Variants in CSMD1 observed in about 807,000 individuals in gnomAD.
CSMD1 encodes CUB and sushi domain-containing protein 1.
A neutral mutation model predicts 417.5 loss-of-function variants in CSMD1; 213 were observed. The ratio of observed to expected loss-of-function variants is 0.51; its 90% CI spans 0.46 to 0.57. The LOEUF is 0.57. Ranked by LOEUF, CSMD1 falls within the 20% of genes least tolerant of loss-of-function variation. The pLI, the probability that CSMD1 is intolerant of heterozygous loss-of-function variation, is 0.00. For missense variants in CSMD1, 6,923 were observed against 4,529.7 expected (o/e 1.53, Z -15.17); for synonymous variants, 2,862 against 1,736.8 (o/e 1.65, Z -16.11).
intron 2 of CSMD1, among the ~76,000 whole-genome samples, chr8:4,585,807 G>C (rs184633017): frequency 6.6e-6 from 1 of 152,088 alleles, no homozygotes; most frequent in African/African-American, 2.4e-5. Flanking sequence ...AATTAAATCT[G>C]AGTAAATACT....
At chr8:4,264,089 A>G (rs1463744800) in intron 3 of CSMD1, among the ~76,000 whole-genome samples, 1 of 152,210 alleles carries the variant, frequency 6.6e-6, no homozygotes, top group Non-Finnish European at 1.5e-5. Flanking sequence ...GGATGATAAC[A>G]TCAAACTATC....
At chr8:4,747,660 T>G (rs528554389) in intron 1 of CSMD1, among the ~76,000 whole-genome samples, 1 of 152,206 alleles carries the variant, frequency 6.6e-6, no homozygotes, top group African/African-American at 2.4e-5. Context: ...ACTCAGTTGT[T>G]GATTTTGCAT....
chr8:4,198,473 A>G (rs1799467269), intron 3 of CSMD1, among the ~76,000 whole-genome samples: 1 of 152,186 alleles, frequency 6.6e-6, no homozygotes, highest in Non-Finnish European at 1.5e-5. Flanking sequence ...GGGGGATGAG[A>G]AAGAAATCAC....
At position 4,797,464 on chromosome 8, in the gene CSMD1, T is replaced by C. The variant is rs1303522987; in HGVS notation, c.86-159906A>G. On this transcript the variant is annotated intron_variant, in intron 1 of 69. Transcript: ENST00000635120. ...AAGTACCAAATATAGGTCATGTTTT[T>C]ATTATGTTGGCGCAAAAGTCATTGT... Among the ~76,000 whole-genome samples, 6 of 152,180 alleles carry C rather than the reference T, an allele frequency of 3.9e-5. No individual in the cohort carries two copies. In the East Asian group the frequency reaches 9.7e-4, roughly 25 times the overall value.
At chr8:4,579,221 T>C (rs1031475559) in intron 2 of CSMD1, among the ~76,000 whole-genome samples, 1 of 151,688 alleles carries the variant, frequency 6.6e-6, no homozygotes, top group Non-Finnish European at 1.5e-5. Context: ...ATCAGGAAAA[T>C]AATCCTCATG....
chr8:3,020,172 G>A (rs1249332608), intron 51 of CSMD1, among the ~76,000 whole-genome samples: 1 of 152,190 alleles, frequency 6.6e-6, no homozygotes, highest in African/African-American at 2.4e-5. Flanking sequence ...GTTGATAATA[G>A]CTCCTACTGC....
At chr8:3,606,701 T>A (rs965909744) in intron 8 of CSMD1, among the ~76,000 whole-genome samples, 1 of 130,030 alleles carries the variant, frequency 7.7e-6, no homozygotes, top group Non-Finnish European at 1.7e-5. Flanking sequence ...GTAACAATTT[T>A]ACTTCGTTAC....
intron 50 of CSMD1, among the ~76,000 whole-genome samples, chr8:3,052,220 A>G (rs1811864810): frequency 6.6e-6 from 1 of 152,236 alleles, no homozygotes; most frequent in Non-Finnish European, 1.5e-5. Flanking sequence ...TGTGCAAATT[A>G]CATCGTGTCT....
At chr8:3,821,212 C>G (rs13255204) in intron 5 of CSMD1, among the ~76,000 whole-genome samples, 76,873 of 152,008 alleles carry the variant, frequency 0.51, 20,201 homozygotes, top group Middle Eastern at 0.68. Context: ...ACCACCGTAC[C>G]CAGCTCTAGG....
intron 5 of CSMD1, among the ~76,000 whole-genome samples, chr8:3,828,755 C>G (rs1032168830): frequency 6.6e-6 from 1 of 152,152 alleles, no homozygotes; most frequent in Non-Finnish European, 1.5e-5. Flanking sequence ...TACTAAACAT[C>G]AGTGAGGTCC....
chr8:3,172,092 A>C (rs950265319), intron 37 of CSMD1, among the ~76,000 whole-genome samples: 2 of 152,242 alleles, frequency 1.3e-5, no homozygotes, highest in Non-Finnish European at 2.9e-5. Context: ...TGCCTGTCTC[A>C]GAACCATGTA....
At chr8:3,411,683 T>TGTATATATACACAC (rs1158893297) in intron 12 of CSMD1, among the ~76,000 whole-genome samples, 1 of 64,258 alleles carries the variant, frequency 1.6e-5, no homozygotes, top group Non-Finnish European at 3.3e-5. Context: ...TATATATACG[T>TGTATATATACACAC]GTATATATAC....
At chr8:3,857,872 G>A (rs889590452) in intron 5 of CSMD1, among the ~76,000 whole-genome samples, 12 of 152,202 alleles carry the variant, frequency 7.9e-5, no homozygotes, top group East Asian at 1.9e-4. Flanking sequence ...GAGAGATTAC[G>A]TGATATGTAA....
chr8:3,316,482 G>A (rs1268208470), intron 23 of CSMD1, among the ~76,000 whole-genome samples: 1 of 152,112 alleles, frequency 6.6e-6, no homozygotes, highest in Non-Finnish European at 1.5e-5. Context: ...AAGGTTGAGA[G>A]GGACAAAGGA....
rs139265629 is a variant in CSMD1, at chr8:4,918,857, C to CCA, written c.85+75473_85+75474dup. ...CAGATATATATTGTTCATATAATCA[C>CCA]CACACACACACACCCCTACAACATG... On this transcript the variant is annotated intron_variant, in intron 1 of 69. Coordinates refer to ENST00000635120, the MANE Select transcript of CSMD1 (RefSeq NM_033225.6). Among the ~76,000 whole-genome samples the CCA allele has an allele frequency of 1.2e-4, 18 of 151,910 alleles. No individual in the cohort carries two copies. The East Asian group carries it at 2.9e-3, about 24-fold the overall frequency.
chr8:4,261,935 G>A (rs62481962), intron 3 of CSMD1, among the ~76,000 whole-genome samples: 12,732 of 152,112 alleles, frequency 0.084, 691 homozygotes, highest in East Asian at 0.15. Flanking sequence ...TGAATGATAT[G>A]GCAATGTAAC....
chr8:3,744,359 A>T (rs970713655), intron 6 of CSMD1, among the ~76,000 whole-genome samples: 6 of 152,170 alleles, frequency 3.9e-5, no homozygotes, highest in African/African-American at 1.2e-4. Context: ...TGATTACTAA[A>T]CAGGGCACAG....
intron 5 of CSMD1, among the ~76,000 whole-genome samples, chr8:3,820,137 T>C (rs1374748720): frequency 6.6e-6 from 1 of 152,216 alleles, no homozygotes; most frequent in Non-Finnish European, 1.5e-5. Flanking sequence ...ATCTTGACCC[T>C]GGTCAGTTTA....
intron 1 of CSMD1, among the ~76,000 whole-genome samples, chr8:4,962,212 A>T (rs1410479768): frequency 7.3e-6 from 1 of 137,842 alleles, no homozygotes; most frequent in Non-Finnish European, 1.5e-5. Context: ...AAAAAAGAAA[A>T]AAACAAATAT....
Sources: gnomAD v4.1 joint callset for allele counts (sites outside exome capture counted in the v4.1 genomes callset) on GRCh38, gnomAD v4.1.1 for gene constraint, MANE v1.5 for transcripts, NCBI Gene and HGNC (gene_info 2026-07-23, HGNC 2026-07-21) for gene names.